The following RBFOX1 variants were observed in gnomAD, a reference collection of about 807,000 sequenced individuals.
The protein encoded by RBFOX1 is RNA binding fox-1 homolog 1.
Under a neutral mutation model 57.7 loss-of-function variants are expected in RBFOX1, and 8 were observed. That is an observed-to-expected ratio of 0.14 (90% CI 0.08 to 0.25). RBFOX1 has a LOEUF of 0.25. Among genes scored for constraint, RBFOX1 ranks in the 10% least tolerant of loss-of-function variants. The pLI is 1.00. For synonymous variants in RBFOX1, 326 were observed against 222.4 expected (o/e 1.47, Z -4.15); for missense variants, 611 against 548.5 (o/e 1.11, Z -1.14).
chr16:5,292,452 A>C (rs1264438905), intron 1 of RBFOX1, among the ~76,000 whole-genome samples: 1 of 152,086 alleles, frequency 6.6e-6, no homozygotes, highest in Non-Finnish European at 1.5e-5. Context: ...ACACTCAGCC[A>C]TGTTGTTAAT....
intron 3 of RBFOX1, among the ~76,000 whole-genome samples, chr16:6,779,271 G>C (rs549692827): frequency 6.6e-6 from 1 of 152,094 alleles, no homozygotes; most frequent in South Asian, 2.1e-4. Context: ...TGCAATATTT[G>C]TCTTTCTGTG....
chr16:7,272,264 A>C (rs2095337091), intron 4 of RBFOX1, among the ~76,000 whole-genome samples: 1 of 152,132 alleles, frequency 6.6e-6, no homozygotes, highest in African/African-American at 2.4e-5. Context: ...GGCTCACTGC[A>C]ACCTCCACCT....
intron 4 of RBFOX1, among the ~76,000 whole-genome samples, chr16:5,943,743 T>A (rs903831682): frequency 6.6e-6 from 1 of 152,168 alleles, no homozygotes; most frequent in Non-Finnish European, 1.5e-5. Flanking sequence ...AAACTACAAG[T>A]AGTGCCTGAA....
At chr16:6,806,262 C>G (rs1424166223) in intron 3 of RBFOX1, among the ~76,000 whole-genome samples, 1 of 152,126 alleles carries the variant, frequency 6.6e-6, no homozygotes, top group Admixed American at 6.5e-5. Flanking sequence ...TTATGAAGTA[C>G]TTTTCCTTCC....
intron 3 of RBFOX1, among the ~76,000 whole-genome samples, chr16:5,718,630 G>T (rs1384099270): frequency 6.6e-6 from 1 of 152,176 alleles, no homozygotes; most frequent in Non-Finnish European, 1.5e-5. Context: ...GGCCTGGCTG[G>T]ACATGGTAGC....
At chr16:7,040,858 C>G (rs2045912486) in intron 3 of RBFOX1, among the ~76,000 whole-genome samples, 1 of 152,106 alleles carries the variant, frequency 6.6e-6, no homozygotes, top group South Asian at 2.1e-4. Context: ...GGGCCAAAGA[C>G]AGCTCACTGC....
Position 7,072,709 on chromosome 16 carries a change from C to G in RBFOX1, c.27+20611C>G, listed in dbSNP as rs886701936. ...ACTTGTACCATAAACAACTTTAATA[C>G]TGGACAAAATATATGAAGCATCATT... On this transcript the variant is annotated intron_variant, in intron 4 of 15. Transcript: ENST00000550418. Among the ~76,000 whole-genome samples the G allele has an allele frequency of 3.3e-5, 5 of 152,158 alleles. No homozygotes were observed. The East Asian group carries it at 5.8e-4, about 18-fold the overall frequency.
In RBFOX1 at chr16:5,766,587, G is replaced by GAAAC. The variant is rs996672332; in HGVS notation, c.319-100700_319-100697dup. 5.5e-4 allele frequency among the ~76,000 whole-genome samples: 84 copies of GAAAC among 152,152 alleles called. 1 individual carries two copies. Among genetic ancestry groups the GAAAC allele is most frequent in the South Asian group, 4.6e-3 (22 of 4,814 alleles). On this transcript the variant is annotated intron_variant, in intron 3 of 19. Transcript: ENST00000641259. ...GCAACAGTGCGAGACTCTGTCTCAAGAAACAAACAAACAAACAAAATGAAA... is the reference window on the plus strand; with the variant it reads ...GCAACAGTGCGAGACTCTGTCTCAAGAAACAAACAAACAAACAAACAAAATGAAA...
chr16:5,512,657 C>T (rs1407840956), intron 2 of RBFOX1, among the ~76,000 whole-genome samples: 2 of 152,136 alleles, frequency 1.3e-5, no homozygotes, highest in Admixed American at 6.5e-5. Context: ...TAAAAAGTTA[C>T]AAAGACAGTG....
intron 2 of RBFOX1, among the ~76,000 whole-genome samples, chr16:6,406,192 C>G (rs971702186): frequency 6.6e-6 from 1 of 152,350 alleles, no homozygotes; most frequent in African/African-American, 2.4e-5. Context: ...ACAGAATGCT[C>G]TGTCATTGAA....
chr16:6,074,344 G>C (rs11641449), intron 1 of RBFOX1, among the ~76,000 whole-genome samples: 91,125 of 151,312 alleles, frequency 0.6, 27,467 homozygotes, highest in Admixed American at 0.65. Flanking sequence ...AGTAATTCCA[G>C]CACAAACATT....
At chr16:7,352,446 A>C (rs1209941097) in intron 4 of RBFOX1, among the ~76,000 whole-genome samples, 1 of 152,174 alleles carries the variant, frequency 6.6e-6, no homozygotes, top group Non-Finnish European at 1.5e-5. Context: ...TGCCTTACTC[A>C]GGTGAATGTC....
At chr16:7,183,665 C>A (rs1191775568) in intron 4 of RBFOX1, among the ~76,000 whole-genome samples, 1 of 152,114 alleles carries the variant, frequency 6.6e-6, no homozygotes, top group African/African-American at 2.4e-5. Context: ...AATACAGAAC[C>A]AGATGATATC....
chr16:7,610,905 C>T (rs2057351940), intron 10 of RBFOX1, among the ~76,000 whole-genome samples: 1 of 152,114 alleles, frequency 6.6e-6, no homozygotes, highest in Admixed American at 6.6e-5. Flanking sequence ...TTAAAATTTC[C>T]CCAGCTATAA....
At chr16:6,851,379 C>A (rs1208147979) in intron 3 of RBFOX1, among the ~76,000 whole-genome samples, 1 of 152,026 alleles carries the variant, frequency 6.6e-6, no homozygotes, top group Admixed American at 6.5e-5. Flanking sequence ...TCAGATGTTA[C>A]CCCTGGAGCA....
At chr16:6,085,947 A>C (rs539494410) in intron 1 of RBFOX1, among the ~76,000 whole-genome samples, 32 of 152,140 alleles carry the variant, frequency 2.1e-4, no homozygotes, top group African/African-American at 6.3e-4. Context: ...CCCCACATGC[A>C]TTAGCCATTT....
In RBFOX1 at chr16:5,877,470, C is replaced by T. The variant is rs1034822748; in HGVS notation, c.351+10135C>T. Among the ~76,000 whole-genome samples, 69 of 152,226 alleles carry T rather than the reference C, an allele frequency of 4.5e-4. 4 individuals carry two copies. On this transcript the variant is annotated intron_variant, in intron 4 of 19. Transcript: ENST00000641259. ...TGTTTAGCTCTCCCAGGAAGCCTGG[C>T]TTCAGATGAGATGGGTCTTCCTTTC...
chr16:6,078,389 C>A (rs556064827), intron 1 of RBFOX1, among the ~76,000 whole-genome samples: 21 of 151,708 alleles, frequency 1.4e-4, no homozygotes, highest in Non-Finnish European at 2.8e-4. Context: ...TTCTTACAAC[C>A]TTATGAGACG....
chr16:7,189,280 G>A (rs1282339018), intron 4 of RBFOX1, among the ~76,000 whole-genome samples: 1 of 151,764 alleles, frequency 6.6e-6, no homozygotes, highest in African/African-American at 2.4e-5. Context: ...AAAAAAATTA[G>A]CCGGGCGTGG....
Sources: allele counts gnomAD v4.1 joint callset (sites outside exome capture counted in the v4.1 genomes callset), GRCh38; gene constraint gnomAD v4.1.1; transcripts MANE v1.5; gene names NCBI Gene and HGNC (gene_info 2026-07-23, HGNC 2026-07-21).